PPARGC1A: variants seen among roughly 807,000 people sequenced by gnomAD.
The protein encoded by PPARGC1A is peroxisome proliferator-activated receptor gamma coactivator 1-alpha.
A neutral mutation model predicts 88.7 loss-of-function variants in PPARGC1A; 25 were observed. That is an observed-to-expected ratio of 0.28 (90% CI 0.21 to 0.39). The LOEUF (loss-of-function observed/expected upper bound fraction) is 0.39, where lower values mean the gene tolerates loss of function less well. Among genes scored for constraint, PPARGC1A ranks in the 10% least tolerant of loss-of-function variants. The pLI is 1.00. For missense variants in PPARGC1A, 880 were observed against 968.7 expected (o/e 0.91, Z 1.22); for synonymous variants, 363 against 355.6 (o/e 1.02, Z -0.24).
the PPARGC1A span, among the ~76,000 whole-genome samples, chr4:23,992,705 A>C: frequency 6.6e-6 from 1 of 152,054 alleles, no homozygotes; most frequent in Non-Finnish European, 1.5e-5. Context: ...TAGCCCATTA[A>C]TTTTATACCC....
At chr4:24,248,253 T>C in the PPARGC1A span, among the ~76,000 whole-genome samples, 4 of 152,114 alleles carry the variant, frequency 2.6e-5, no homozygotes, top group Non-Finnish European at 5.9e-5. Context: ...GCCTCCGAAG[T>C]AGCTGGGACT....
chr4:23,854,285 G>A (rs1729809524), intron 2 of PPARGC1A, among the ~76,000 whole-genome samples: 1 of 152,122 alleles, frequency 6.6e-6, no homozygotes, highest in African/African-American at 2.4e-5. Flanking sequence ...TTCTTATCAG[G>A]TCACAGAATT....
At chr4:24,276,871 A>G in the PPARGC1A span, among the ~76,000 whole-genome samples, 1 of 152,168 alleles carries the variant, frequency 6.6e-6, no homozygotes, top group Non-Finnish European at 1.5e-5. Context: ...CCAGTCCTGC[A>G]CAGACAGATA....
At chr4:24,429,627 G>A in the PPARGC1A span, among the ~76,000 whole-genome samples, 3 of 151,890 alleles carry the variant, frequency 2.0e-5, no homozygotes, top group Admixed American at 6.6e-5. Context: ...GGAGCAGGCA[G>A]AGCCATGTGC....
intron 2 of PPARGC1A, among the ~76,000 whole-genome samples, chr4:23,855,626 C>T (rs534059632): frequency 6.6e-6 from 1 of 152,298 alleles, no homozygotes; most frequent in African/African-American, 2.4e-5. Flanking sequence ...ATATTTCAGA[C>T]ACTGAGTTAA....
chr4:24,227,732 C>A, the PPARGC1A span, among the ~76,000 whole-genome samples: 1 of 152,128 alleles, frequency 6.6e-6, no homozygotes, highest in Non-Finnish European at 1.5e-5. Flanking sequence ...CAAACCCCAG[C>A]CTGAGCCTAA....
chr4:24,209,848 G>T, the PPARGC1A span, among the ~76,000 whole-genome samples: 3 of 152,132 alleles, frequency 2.0e-5, no homozygotes, highest in Non-Finnish European at 2.9e-5. Flanking sequence ...TATATGCTCA[G>T]AAAAGTTTAC....
At chr4:24,297,083 C>T in the PPARGC1A span, among the ~76,000 whole-genome samples, 1 of 150,910 alleles carries the variant, frequency 6.6e-6, no homozygotes, top group African/African-American at 2.4e-5. Context: ...AAAGAGAAGA[C>T]AGTAAAGAAG....
At chr4:24,074,234 T>C in the PPARGC1A span, among the ~76,000 whole-genome samples, 2 of 152,166 alleles carry the variant, frequency 1.3e-5, no homozygotes, top group African/African-American at 4.8e-5. Flanking sequence ...CTGTGTGAGC[T>C]TGGACACCCT....
At chr4:24,416,836 GC>G in the PPARGC1A span, among the ~76,000 whole-genome samples, 1 of 152,150 alleles carries the variant, frequency 6.6e-6, no homozygotes, top group Non-Finnish European at 1.5e-5. Flanking sequence ...TTTGAGACCA[GC>G]CTGGCCAACA....
In PPARGC1A at chr4:23,814,568, G is replaced by A; in HGVS notation, c.915C>T (p.Asn305=). The A allele has an allele frequency of 1.2e-6, 2 of 1,609,676 alleles. No homozygotes were observed. Among genetic ancestry groups the A allele is most frequent in the Admixed American group, 3.4e-5 (2 of 59,224 alleles). ...TPPTTPPHKA[N]QDNPFRASPK... ...GAGAAGCCCTAAAAGGGTTATCTTG[G>A]TTGGCTTTATGAGGAGGAGTGGTGG... Residue 305 remains asparagine (N), a synonymous_variant, in exon 8 of 13, where the codon AAC becomes AAT. Transcript: ENST00000264867.
the PPARGC1A span, among the ~76,000 whole-genome samples, chr4:24,049,526 G>A: frequency 6.6e-6 from 1 of 151,824 alleles, no homozygotes; most frequent in Non-Finnish European, 1.5e-5. Flanking sequence ...TAAAGGGCAT[G>A]GAAATTGTCC....
chr4:24,431,705 C>T, the PPARGC1A span, among the ~76,000 whole-genome samples: 58 of 152,314 alleles, frequency 3.8e-4, no homozygotes, highest in African/African-American at 1.4e-3. Context: ...CATCTCCATA[C>T]ATATTTGTGT....
At chr4:23,840,688 T>C (rs1180052184) in intron 2 of PPARGC1A, among the ~76,000 whole-genome samples, 1 of 152,172 alleles carries the variant, frequency 6.6e-6, no homozygotes. Flanking sequence ...ATTATTGAGA[T>C]ACTTAGTATA....
chr4:24,399,433 G>A, the PPARGC1A span, among the ~76,000 whole-genome samples: 1 of 152,172 alleles, frequency 6.6e-6, no homozygotes, highest in African/African-American at 2.4e-5. Context: ...TAACTGTTCT[G>A]AAAATTTCTC....
chr4:24,268,010 C>A, the PPARGC1A span, among the ~76,000 whole-genome samples: 1 of 152,050 alleles, frequency 6.6e-6, no homozygotes, highest in Non-Finnish European at 1.5e-5. Context: ...TCAGGATGAA[C>A]CTTAAAAGGA....
chr4:23,979,640 A>C, the PPARGC1A span, among the ~76,000 whole-genome samples: 1 of 152,228 alleles, frequency 6.6e-6, no homozygotes, highest in Non-Finnish European at 1.5e-5. Context: ...GAGCAACTTA[A>C]AACTTAATGA....
the PPARGC1A span, among the ~76,000 whole-genome samples, chr4:24,387,828 GAA>G: frequency 1.7e-3 from 174 of 99,696 alleles, 10 homozygotes; most frequent in East Asian, 0.045. Context: ...AAGAAAGAGA[GAA>G]AGAGAGAAAG....
chr4:23,844,891 T>G (rs1560430088), intron 2 of PPARGC1A, among the ~76,000 whole-genome samples: 1 of 94,832 alleles, frequency 1.1e-5, no homozygotes, highest in African/African-American at 3.8e-5. Flanking sequence ...CACACACACA[T>G]ACATACAGAA....
Sources: allele counts gnomAD v4.1 joint callset (sites outside exome capture counted in the v4.1 genomes callset), GRCh38; gene constraint gnomAD v4.1.1; transcripts MANE v1.5; gene names NCBI Gene and HGNC (gene_info 2026-07-23, HGNC 2026-07-21).